SLC30A10: variants seen among roughly 807,000 people sequenced by gnomAD.
SLC30A10 encodes solute carrier family 30 member 10.
In SLC30A10, 8 loss-of-function variants were observed where a neutral mutation model predicts 21.7. That is an observed-to-expected ratio of 0.37 (90% confidence interval 0.22 to 0.67). The LOEUF is 0.67. Ranked by LOEUF, SLC30A10 falls within the 30% of genes least tolerant of loss-of-function variation. The pLI, the probability that SLC30A10 is intolerant of heterozygous loss-of-function variation, is 0.58. For synonymous variants in SLC30A10, 272 were observed against 279.4 expected, an observed-to-expected ratio of 0.97 and a Z score of 0.26; for missense variants, 521 against 642.5, an observed-to-expected ratio of 0.81 and a Z score of 2.04.
chr1:219,950,159 T>G (rs1381369698), intron 1 of SLC30A10, among the ~76,000 whole-genome samples: 1 of 152,256 alleles, frequency 6.6e-6, no homozygotes, highest in Non-Finnish European at 1.5e-5. Flanking sequence ...AGTTTCTTCA[T>G]CTGTATCTTG....
At chr1:219,957,155 C>T (rs1660364570) in intron 1 of SLC30A10, among the ~76,000 whole-genome samples, 1 of 152,044 alleles carries the variant, frequency 6.6e-6, no homozygotes, top group Non-Finnish European at 1.5e-5. Flanking sequence ...ATGAATTTTC[C>T]TTTACAAAAG....
intron 2 of SLC30A10, among the ~76,000 whole-genome samples, chr1:219,921,306 T>C (rs1659670483): frequency 6.6e-6 from 1 of 152,322 alleles, no homozygotes; most frequent in East Asian, 1.9e-4. Context: ...GCTGGTACTC[T>C]CTTCATTTTA....
At chr1:219,937,288 AT>A (rs1660059415) in intron 1 of SLC30A10, among the ~76,000 whole-genome samples, 1 of 152,120 alleles carries the variant, frequency 6.6e-6, no homozygotes, top group Admixed American at 6.5e-5. Flanking sequence ...TATTTTTGAT[AT>A]TTAGCAACTT....
intron 3 of SLC30A10, 45 bp from the exon 4 acceptor site, chr1:219,915,993 T>G: frequency 6.3e-7 from 1 of 1,579,588 alleles, no homozygotes; most frequent in Non-Finnish European, 8.6e-7. Context: ...AGCGCTGCAT[T>G]TGAAACATGG....
chr1:219,928,265 T>C lies in SLC30A10; in HGVS notation c.176A>G (p.Tyr59Cys). Reference sequence around the variant, plus strand: ...GCCCCGGGTGGGGCGCCGGGCGATGTAGCCGGCGCTCAGGCCCACGCACAG... The same window carrying C: ...GCCCCGGGTGGGGCGCCGGGCGATGCAGCCGGCGCTCAGGCCCACGCACAG... Reference protein sequence around the residue: ...ISLCVGLSAGYIARRPTRGFS... With the variant: ...ISLCVGLSAGCIARRPTRGFS... Residue 59 changes from tyrosine (Y) to cysteine (C), a missense_variant, in exon 1 of 4, where the codon TAC (tyrosine) becomes TGC (cysteine). By Grantham distance (194) the Tyr-to-Cys change is radical. Coordinates refer to ENST00000366926, the MANE Select transcript of SLC30A10 (RefSeq NM_018713.3). The surrounding 1 kb of genome is among the most constrained non-coding windows in gnomAD (Gnocchi z 6.3). 6.3e-7 allele frequency: 1 copy of C among 1,592,232 alleles called. No homozygotes were observed. The highest frequency in any genetic ancestry group is 8.5e-7 in the Non-Finnish European group (1 of 1,170,532).
intron 1 of SLC30A10, 88 bp downstream of exon 1, chr1:219,927,712 GA>G (rs1251755665): frequency 2.0e-6 from 2 of 1,007,268 alleles, no homozygotes; most frequent in African/African-American, 3.5e-5. Context: ...GCATGCAGAA[GA>G]AAAAGAGGGC....
In SLC30A10 at chr1:219,912,557, G is replaced by A. The variant is rs1021323544; in HGVS notation, c.*2892C>T. Among the ~76,000 whole-genome samples, 3 of 152,120 alleles carry A rather than the reference G, an allele frequency of 2.0e-5. No individual in the cohort carries two copies. The highest frequency in any genetic ancestry group is 7.2e-5 in the African/African-American group (3 of 41,432). ...TTTAAAAATTATGTCAGTTCTGGCC[G>A]GGCGCAGTGGCTTACGCCTGTAATC... On this transcript the variant is annotated 3_prime_UTR_variant, in exon 4 of 4. Transcript: ENST00000366926.
upstream of SLC30A10, among the ~76,000 whole-genome samples, chr1:219,931,712 C>T (rs1390262479): frequency 6.6e-6 from 1 of 152,142 alleles, no homozygotes; most frequent in Non-Finnish European, 1.5e-5. Context: ...AACTCCTGGC[C>T]TCAAATGATC....
At chr1:219,955,154 T>C (rs17006906) in intron 1 of SLC30A10, among the ~76,000 whole-genome samples, 10,552 of 152,268 alleles carry the variant, frequency 0.069, 1,010 homozygotes, top group African/African-American at 0.22. Flanking sequence ...TCCTGCGATC[T>C]GGACCTACAT....
chr1:219,923,948 A>G (rs1161093041), intron 2 of SLC30A10, among the ~76,000 whole-genome samples: 1 of 152,214 alleles, frequency 6.6e-6, no homozygotes, highest in Non-Finnish European at 1.5e-5. Context: ...CTGTAATCCC[A>G]GCTACTCTGT....
Position 219,924,873 on chromosome 1 carries a change from G to A in SLC30A10, c.718+2155C>T, listed in dbSNP as rs558235578. ...TATTATCCTCATTTTAAAGATGAGG[G>A]GATTGGAGGCTTAGAGAGGTTCAAT... On this transcript the variant is annotated intron_variant, in intron 2 of 3. Transcript: ENST00000366926. Among the ~76,000 whole-genome samples, 7 of 152,234 alleles carry A rather than the reference G, an allele frequency of 4.6e-5. No homozygotes were observed. In the East Asian group the frequency reaches 1.4e-3, roughly 29 times the overall value.
chr1:219,957,661 A>G (rs571796607), intron 1 of SLC30A10, among the ~76,000 whole-genome samples: 1 of 152,294 alleles, frequency 6.6e-6, no homozygotes, highest in African/African-American at 2.4e-5. Context: ...TAAGTTGACT[A>G]TTGCCCTGTG....
At chr1:219,919,426 G>T (rs1171324761) in intron 2 of SLC30A10, among the ~76,000 whole-genome samples, 2 of 152,144 alleles carry the variant, frequency 1.3e-5, no homozygotes, top group African/African-American at 2.4e-5. Context: ...TGTTAGAAAT[G>T]ATGCATCTCA....
Position 219,914,592 on chromosome 1 carries a change from A to G in SLC30A10, c.*857T>C, listed in dbSNP as rs1659489549. On this transcript the variant is annotated 3_prime_UTR_variant, in exon 4 of 4. Transcript: ENST00000366926. ...ATAGATCAATGCAATCATATGAAAG[A>G]AAATTCAAACGAAATTTGGAAAAAT... The G allele has an allele frequency of 6.6e-6, 1 of 152,262 alleles. No homozygotes were observed. The highest frequency in any genetic ancestry group is 1.5e-5 in the Non-Finnish European group (1 of 68,046). The allele number at this position is 152,262 out of a possible 1,614,324, so 9.4% of individuals were successfully genotyped here.
intron 2 of SLC30A10, among the ~76,000 whole-genome samples, chr1:219,921,904 T>TGTGAGAGAGAGA (rs1200596880): frequency 1.2e-5 from 1 of 84,692 alleles, no homozygotes; most frequent in African/African-American, 5.5e-5. Context: ...TGTGTGTGTG[T>TGTGAGAGAGAGA]GAAAGAGAGA....
At chr1:219,957,354 G>A (rs1292355194) in intron 1 of SLC30A10, among the ~76,000 whole-genome samples, 1 of 152,004 alleles carries the variant, frequency 6.6e-6, no homozygotes, top group Non-Finnish European at 1.5e-5. Context: ...GCAAAGACAG[G>A]GAATCAAATA....
At chr1:219,933,446 G>A (rs769169106), upstream of SLC30A10, among the ~76,000 whole-genome samples, 3 of 152,126 alleles carry the variant, frequency 2.0e-5, no homozygotes, top group African/African-American at 7.2e-5. Context: ...CTTTGGAGTC[G>A]GACCGATTTG....
chr1:219,931,670 AG>A (rs756580403), upstream of SLC30A10, among the ~76,000 whole-genome samples: 1 of 152,022 alleles, frequency 6.6e-6, no homozygotes, highest in Non-Finnish European at 1.5e-5. Context: ...TAGTAGAGAT[AG>A]GGTTTCACCA....
At chr1:219,927,766 G>A (rs779086481) in intron 1 of SLC30A10, 35 bp downstream of exon 1, 7 of 1,452,670 alleles carry the variant, frequency 4.8e-6, no homozygotes, top group Non-Finnish European at 6.4e-6. Context: ...AGGAAGGAAG[G>A]GCCAAGCGGT....
Sources: allele counts gnomAD v4.1 joint callset (sites outside exome capture counted in the v4.1 genomes callset), GRCh38; gene constraint gnomAD v4.1.1; non-coding constraint Gnocchi (gnomAD v3.1); transcripts MANE v1.5; gene names NCBI Gene and HGNC (gene_info 2026-07-23, HGNC 2026-07-21).